The following ATRNL1 variants were observed in gnomAD, a reference collection of about 807,000 sequenced individuals.
The protein encoded by ATRNL1 is attractin like 1.
In ATRNL1, 95 loss-of-function variants were observed where a neutral mutation model predicts 182.7. The observed-to-expected ratio is 0.52, with a 90% CI of 0.44 to 0.62. ATRNL1 has a LOEUF of 0.62. ATRNL1 is among the 20% of genes least tolerant of loss of function. The pLI is 0.00. For synonymous variants in ATRNL1, 576 were observed against 568.3 expected, an observed-to-expected ratio of 1.01 and a Z score of -0.19; for missense variants, 1,471 against 1,679.5, an observed-to-expected ratio of 0.88 and a Z score of 2.17.
chr10:115,623,360 A>G (rs1857897132), intron 26 of ATRNL1, among the ~76,000 whole-genome samples: 1 of 152,206 alleles, frequency 6.6e-6, no homozygotes. Flanking sequence ...CCAGGAATGA[A>G]CAAATTTTAA....
intron 24 of ATRNL1, among the ~76,000 whole-genome samples, chr10:115,483,045 CT>C (rs1848845047): frequency 6.6e-6 from 1 of 151,198 alleles, no homozygotes. Flanking sequence ...ACAGTTTTTG[CT>C]TTTCCTAAAA....
chr10:115,785,450 G>A (rs1026965506), intron 27 of ATRNL1, among the ~76,000 whole-genome samples: 1 of 152,186 alleles, frequency 6.6e-6, no homozygotes, highest in African/African-American at 2.4e-5. Context: ...TTCAGTCCAA[G>A]CCTAGCAGTG....
intron 27 of ATRNL1, among the ~76,000 whole-genome samples, chr10:115,790,885 G>A (rs927455020): frequency 1.3e-5 from 2 of 152,026 alleles, no homozygotes; most frequent in African/African-American, 4.8e-5. Flanking sequence ...AAAAATGTTC[G>A]GGGGTTTTTA....
intron 20 of ATRNL1, among the ~76,000 whole-genome samples, chr10:115,413,051 C>T (rs1488846538): frequency 6.6e-6 from 1 of 152,036 alleles, no homozygotes; most frequent in Non-Finnish European, 1.5e-5. Flanking sequence ...TTTAATATCA[C>T]CTATTTATAA....
chr10:115,936,765 G>A (rs1479406843), intron 28 of ATRNL1, among the ~76,000 whole-genome samples: 1 of 152,100 alleles, frequency 6.6e-6, no homozygotes, highest in Non-Finnish European at 1.5e-5. Flanking sequence ...AATTAAGAAT[G>A]ACTAGGGTTT....
intron 19 of ATRNL1, among the ~76,000 whole-genome samples, chr10:115,349,821 GTTGT>G (rs1198567663): frequency 6.6e-6 from 1 of 151,992 alleles, no homozygotes; most frequent in Non-Finnish European, 1.5e-5. Context: ...TTGCTATTGA[GTTGT>G]TTGAGCTCCT....
intron 9 of ATRNL1, among the ~76,000 whole-genome samples, chr10:115,232,186 C>T (rs535787167): frequency 7.6e-4 from 115 of 152,146 alleles, no homozygotes; most frequent in Non-Finnish European, 1.5e-3. Context: ...ACTCCAGCCT[C>T]ATCTTACTAA....
intron 5 of ATRNL1, among the ~76,000 whole-genome samples, chr10:115,141,299 T>A (rs1554877965): frequency 6.6e-6 from 1 of 152,134 alleles, no homozygotes; most frequent in Non-Finnish European, 1.5e-5. Context: ...ATAAACTATG[T>A]TATTTACTTC....
chr10:115,157,415 A>T (rs1564784331), intron 5 of ATRNL1, among the ~76,000 whole-genome samples: 1 of 152,038 alleles, frequency 6.6e-6, no homozygotes, highest in East Asian at 1.9e-4. Flanking sequence ...AAGACATCTA[A>T]TTTTTTTCTT....
intron 26 of ATRNL1, among the ~76,000 whole-genome samples, chr10:115,599,841 A>G (rs1555015368): frequency 1.3e-5 from 2 of 152,204 alleles, no homozygotes; most frequent in East Asian, 1.9e-4. Context: ...AATATAACAT[A>G]TACAATAACG....
At position 115,813,806 on chromosome 10, in the gene ATRNL1, C is replaced by T. The variant is rs565367918; in HGVS notation, c.3904-34071C>T. Among the ~76,000 whole-genome samples, 12 of 152,126 alleles carry T rather than the reference C, an allele frequency of 7.9e-5. No homozygotes were observed. The East Asian group carries it at 2.3e-3, about 29-fold the overall frequency. ...GGTATTGATGAAAAATGTGGTTGGT[C>T]TATTTATAGAAAAGCTAACTATAGC... On this transcript the variant is annotated intron_variant, in intron 27 of 28. Transcript: ENST00000355044.
intron 23 of ATRNL1, 63 bp downstream of exon 23, chr10:115,467,315 T>G: frequency 2.7e-6 from 3 of 1,121,748 alleles, no homozygotes. Context: ...TGTTCTAACA[T>G]GATCTACTGT....
intron 21 of ATRNL1, among the ~76,000 whole-genome samples, chr10:115,460,554 A>T (rs1298809026): frequency 6.6e-6 from 1 of 152,068 alleles, no homozygotes; most frequent in South Asian, 2.1e-4. Flanking sequence ...CCTGGCCTCC[A>T]TTACCTCCTT....
At chr10:115,852,995 C>T (rs1555100943) in intron 28 of ATRNL1, among the ~76,000 whole-genome samples, 1 of 152,154 alleles carries the variant, frequency 6.6e-6, no homozygotes, top group African/African-American at 2.4e-5. Context: ...CTAGCTCTGC[C>T]ACTGACTAGC....
intron 19 of ATRNL1, among the ~76,000 whole-genome samples, chr10:115,371,483 G>C (rs1857392529): frequency 6.6e-6 from 1 of 152,218 alleles, no homozygotes; most frequent in Admixed American, 6.5e-5. Flanking sequence ...ACCTGGATGT[G>C]AGACATGGAG....
intron 26 of ATRNL1, among the ~76,000 whole-genome samples, chr10:115,646,738 C>T (rs755036185): frequency 7.8e-4 from 119 of 151,602 alleles, no homozygotes; most frequent in Non-Finnish European, 1.5e-3. Flanking sequence ...TTAGGCAGGG[C>T]ATAATACTAT....
At chr10:115,289,121 GC>G (rs1463675188) in intron 15 of ATRNL1, among the ~76,000 whole-genome samples, 8 of 152,290 alleles carry the variant, frequency 5.3e-5, no homozygotes, top group African/African-American at 1.9e-4. Context: ...ATGGATGGCA[GC>G]GGGGAAAGAG....
chr10:115,629,566 A>C (rs1276742767), intron 26 of ATRNL1, among the ~76,000 whole-genome samples: 2 of 152,154 alleles, frequency 1.3e-5, no homozygotes, highest in African/African-American at 4.8e-5. Context: ...CTCTCTTCCC[A>C]GTGAAAATAA....
At chr10:115,326,665 A>G (rs1277706774) in intron 18 of ATRNL1, among the ~76,000 whole-genome samples, 1 of 151,826 alleles carries the variant, frequency 6.6e-6, no homozygotes, top group East Asian at 1.9e-4. Context: ...GAGGCATCAC[A>G]CTACCTGACT....
Sources: allele counts gnomAD v4.1 joint callset (sites outside exome capture counted in the v4.1 genomes callset), GRCh38; gene constraint gnomAD v4.1.1; transcripts MANE v1.5; gene names NCBI Gene and HGNC (gene_info 2026-07-23, HGNC 2026-07-21).